The following PPARGC1A variants were observed in gnomAD, a reference collection of about 807,000 sequenced individuals.
PPARGC1A encodes PPARG coactivator 1 alpha, also known as peroxisome proliferator-activated receptor gamma coactivator 1-alpha.
PPARGC1A carries 25 observed loss-of-function variants against 88.7 expected under a neutral mutation model. The ratio of observed to expected loss-of-function variants is 0.28; its 90% CI spans 0.21 to 0.39. The LOEUF is 0.39. PPARGC1A is among the 10% of genes least tolerant of loss of function. The probability of loss-of-function intolerance (pLI) is 1.00; values close to 1 mark genes in which losing one functional copy is unlikely to be tolerated. For synonymous variants in PPARGC1A, 363 were observed against 355.6 expected, an observed-to-expected ratio of 1.02 and a Z score of -0.24; for missense variants, 880 against 968.7, an observed-to-expected ratio of 0.91 and a Z score of 1.22.
At chr4:24,441,076 A>C in the PPARGC1A span, among the ~76,000 whole-genome samples, 2 of 152,170 alleles carry the variant, frequency 1.3e-5, no homozygotes, top group Admixed American at 1.3e-4. Context: ...ATTTGCAATA[A>C]CATAAAAACT....
the PPARGC1A span, among the ~76,000 whole-genome samples, chr4:24,118,905 G>GA: frequency 2.3e-3 from 351 of 150,434 alleles, 2 homozygotes; most frequent in African/African-American, 7.3e-3. Context: ...GCTCCAACCT[G>GA]AAAAAAAAAT....
the PPARGC1A span, among the ~76,000 whole-genome samples, chr4:24,360,636 T>C: frequency 6.6e-6 from 1 of 152,198 alleles, no homozygotes; most frequent in African/African-American, 2.4e-5. Flanking sequence ...GTACATCTGT[T>C]GAAGCAATGC....
chr4:24,323,469 G>A, the PPARGC1A span, among the ~76,000 whole-genome samples: 467 of 152,258 alleles, frequency 3.1e-3, 18 homozygotes, highest in East Asian at 0.064. Context: ...AACCCCATGA[G>A]TTTCCTTCTC....
the PPARGC1A span, among the ~76,000 whole-genome samples, chr4:24,205,816 T>G: frequency 6.6e-6 from 1 of 152,230 alleles, no homozygotes; most frequent in African/African-American, 2.4e-5. Context: ...TATTGGAATG[T>G]CTGTGACTAC....
At chr4:24,371,786 C>CAAA in the PPARGC1A span, among the ~76,000 whole-genome samples, 101 of 132,118 alleles carry the variant, frequency 7.6e-4, no homozygotes, top group East Asian at 8.0e-3. Context: ...ACAAAAAATA[C>CAAA]AAAAAAAAAA....
At chr4:24,209,955 T>C in the PPARGC1A span, among the ~76,000 whole-genome samples, 1 of 152,338 alleles carries the variant, frequency 6.6e-6, no homozygotes, top group South Asian at 2.1e-4. Context: ...AATCCCCAAC[T>C]TAGCTTCTAA....
the PPARGC1A span, among the ~76,000 whole-genome samples, chr4:24,410,515 A>G: frequency 1.3e-5 from 2 of 152,190 alleles, no homozygotes; most frequent in Non-Finnish European, 2.9e-5. Flanking sequence ...GTGATGTTCA[A>G]TACTGAGCGT....
At chr4:24,410,868 A>G in the PPARGC1A span, among the ~76,000 whole-genome samples, 27 of 152,172 alleles carry the variant, frequency 1.8e-4, no homozygotes, top group African/African-American at 6.0e-4. Context: ...TGAAGGCTGC[A>G]CTGTCGGCTT....
rs1716580039 is a variant in PPARGC1A, at chr4:23,884,786, T to C, written c.200A>G (p.Asn67Ser). ...WCSDQSEIIS[N>S]QYNNEPSNIF... is the part of the protein sequence containing the mutation. ...GTTTGAAGGCTCATTGTTGTACTGA[T>C]TGGATATTATTTCTGATTGGTCACT... The change falls in exon 2 of 13, where the codon AAT becomes AGT. Residue 67 changes from asparagine to serine, a missense_variant. Physicochemically the swap from Asn to Ser is conservative, Grantham distance 46 (BLOSUM62 1). Transcript: ENST00000264867. 3 of 1,613,794 alleles carry C rather than the reference T, an allele frequency of 1.9e-6. No homozygotes were observed. The highest frequency in any genetic ancestry group is 1.7e-6 in the Non-Finnish European group (2 of 1,179,886).
the PPARGC1A span, among the ~76,000 whole-genome samples, chr4:24,389,936 C>T: frequency 2.0e-5 from 3 of 152,066 alleles, no homozygotes; most frequent in African/African-American, 4.8e-5. Context: ...CAATATGATC[C>T]AATGGGGAAA....
the PPARGC1A span, among the ~76,000 whole-genome samples, chr4:24,294,812 C>T: frequency 2.6e-5 from 4 of 152,222 alleles, no homozygotes; most frequent in South Asian, 8.3e-4. Context: ...GAAGGAGCTC[C>T]CAGTTCTTCC....
At position 23,828,363 on chromosome 4, in the gene PPARGC1A, T is replaced by C. The variant is rs780013603; in HGVS notation, c.757+37A>G. The C allele has an allele frequency of 1.9e-6, 3 of 1,568,928 alleles. No homozygotes were observed. The African/African-American group carries it at 4.1e-5, about 21-fold the overall frequency. ...TTGCATGTGCTTTCTTTGCTTCCAG[T>C]GCCCTCACCAACAGCTCGTTTTGGT... On this transcript the variant is annotated intron_variant, in intron 5 of 12. Coordinates refer to ENST00000264867, the MANE Select transcript of PPARGC1A (RefSeq NM_013261.5).
chr4:24,154,081 T>C, the PPARGC1A span, among the ~76,000 whole-genome samples: 3 of 152,030 alleles, frequency 2.0e-5, no homozygotes, highest in South Asian at 4.1e-4. Context: ...ACACTTGAAA[T>C]TGACAACCAC....
At chr4:24,386,195 T>C in the PPARGC1A span, among the ~76,000 whole-genome samples, 1 of 152,108 alleles carries the variant, frequency 6.6e-6, no homozygotes, top group East Asian at 1.9e-4. Context: ...TCAACACCCC[T>C]TCATGCTAAA....
chr4:23,879,754 C>CT (rs1715544529), intron 2 of PPARGC1A, among the ~76,000 whole-genome samples: 1 of 152,188 alleles, frequency 6.6e-6, no homozygotes, highest in South Asian at 2.1e-4. Context: ...CATTATCACT[C>CT]TTAAATACCA....
chr4:23,860,638 A>C (rs1181862755), intron 2 of PPARGC1A, among the ~76,000 whole-genome samples: 1 of 152,222 alleles, frequency 6.6e-6, no homozygotes, highest in East Asian at 1.9e-4. Context: ...AAGCACCACT[A>C]AACTCAATGG....
At chr4:24,162,698 TCTC>T in the PPARGC1A span, among the ~76,000 whole-genome samples, 10 of 151,636 alleles carry the variant, frequency 6.6e-5, no homozygotes, top group Non-Finnish European at 1.3e-4. Context: ...TTCAAGCAAT[TCTC>T]CTTCTTCTGC....
chr4:24,281,503 A>G, the PPARGC1A span, among the ~76,000 whole-genome samples: 1 of 152,138 alleles, frequency 6.6e-6, no homozygotes, highest in Non-Finnish European at 1.5e-5. Context: ...AACTCACCGC[A>G]GAGAGAGGGC....
At chr4:24,184,743 T>C in the PPARGC1A span, among the ~76,000 whole-genome samples, 3 of 151,978 alleles carry the variant, frequency 2.0e-5, no homozygotes, top group African/African-American at 4.8e-5. Context: ...TCAAAACACA[T>C]AGAATGAGGC....
Sources: allele counts gnomAD v4.1 joint callset (sites outside exome capture counted in the v4.1 genomes callset), GRCh38; gene constraint gnomAD v4.1.1; transcripts MANE v1.5; gene names NCBI Gene and HGNC (gene_info 2026-07-23, HGNC 2026-07-21).